The following FEZ1 variants were observed in gnomAD, a reference collection of about 807,000 sequenced individuals.
FEZ1 encodes fasciculation and elongation protein zeta 1.
Under a neutral mutation model 49.3 loss-of-function variants are expected in FEZ1, and 20 were observed. The ratio of observed to expected loss-of-function variants is 0.41; its 90% CI spans 0.29 to 0.59. The LOEUF is 0.59. Among genes scored for constraint, FEZ1 ranks in the 20% least tolerant of loss-of-function variants. The pLI is 0.36. For missense variants in FEZ1, 413 were observed against 476.0 expected (o/e 0.87, Z 1.23); for synonymous variants, 170 against 180.9 (o/e 0.94, Z 0.48).
chr11:125,482,499 T>G (rs1957291248), intron 2 of FEZ1, among the ~76,000 whole-genome samples: 1 of 152,208 alleles, frequency 6.6e-6, no homozygotes, highest in African/African-American at 2.4e-5. Context: ...ATTCCTTAAC[T>G]TATTTCAGAA....
intron 3 of FEZ1, among the ~76,000 whole-genome samples, chr11:125,469,667 G>A (rs913038581): frequency 2.0e-5 from 3 of 151,142 alleles, no homozygotes; most frequent in African/African-American, 4.9e-5. Flanking sequence ...AAGCTCAAGC[G>A]ATTCTCTAGC....
chr11:125,459,230 T>G (rs1231160616), intron 5 of FEZ1, among the ~76,000 whole-genome samples: 1 of 152,222 alleles, frequency 6.6e-6, no homozygotes, highest in Admixed American at 6.5e-5. Flanking sequence ...CTTTCTGTCT[T>G]TGCAGTCTCT....
Position 125,489,488 on chromosome 11 carries a change from T to G in FEZ1, c.290A>C (p.Glu97Ala). 6.2e-7 allele frequency: 1 copy of G among 1,613,714 alleles called. No homozygotes were observed. Among genetic ancestry groups the G allele is most frequent in the Non-Finnish European group, 8.5e-7 (1 of 1,179,864 alleles). ...TTACTCCTCGTCCTGAAGGGTCTCC[T>G]CCTCCTCTTGGATCTGTAACTGGTT... ...VKNQLQIQEE[E>A]ETLQDEEVWD... Residue 97 changes from glutamate to alanine, a missense_variant, in exon 2 of 10, where the codon GAG (glutamate) becomes GCG (alanine). Glu to Ala is a moderately radical substitution (Grantham distance 107). Transcript: ENST00000278919. The surrounding 1 kb of genome is among the most constrained non-coding windows in gnomAD (Gnocchi z 4.2).
chr11:125,456,071 G>T lies in FEZ1; in HGVS notation c.703C>A (p.Leu235Met). Residue 235 changes from leucine to methionine, a missense_variant, in exon 6 of 10, where the codon CTG (leucine) becomes ATG (methionine). By Grantham distance (15) the Leu-to-Met change is conservative (BLOSUM62 2). Coordinates refer to ENST00000278919, the MANE Select transcript of FEZ1 (RefSeq NM_005103.5). ...RHMSGSELTE[L>M]LDQVEGAIRD... ...ATGGCACCCTCCACCTGGTCCAGCA[G>T]CTCGGTCAGCTCAGACCCAGACATG... 1.2e-6 allele frequency: 2 copies of T among 1,608,822 alleles called. No individual in the cohort carries two copies. The highest frequency in any genetic ancestry group is 1.7e-6 in the Non-Finnish European group (2 of 1,178,308).
At position 125,455,764 on chromosome 11, in the gene FEZ1, T is replaced by C. The variant is rs1462549135; in HGVS notation, c.939+71A>G. On this transcript the variant is annotated intron_variant, in intron 6 of 9. Coordinates refer to ENST00000278919, the MANE Select transcript of FEZ1 (RefSeq NM_005103.5). ...AAACGTTGATGAGTCCCCTGCAGGGTTGGTAGGGCACTGAAACGGGCAGGG... is the reference window on the plus strand; with the variant it reads ...AAACGTTGATGAGTCCCCTGCAGGGCTGGTAGGGCACTGAAACGGGCAGGG... 11 of 1,496,928 alleles carry C rather than the reference T, an allele frequency of 7.3e-6. No homozygotes were observed. In the South Asian group the frequency reaches 1.0e-4, roughly 14 times the overall value. 92.7% of individuals were successfully genotyped at this position (1,496,928 alleles called of 1,614,324 possible).
At chr11:125,463,455 G>T (rs1213036446) in intron 4 of FEZ1, 29 bp downstream of exon 4, 6 of 1,344,952 alleles carry the variant, frequency 4.5e-6, no homozygotes, top group Admixed American at 3.4e-5. Context: ...AGAACAAAAG[G>T]TCCCGATAAC....
At chr11:125,494,744 G>A (rs769016352) in intron 1 of FEZ1, among the ~76,000 whole-genome samples, 1 of 152,158 alleles carries the variant, frequency 6.6e-6, no homozygotes, top group Admixed American at 6.5e-5. Flanking sequence ...AGTAGGAAAC[G>A]CATAAACGTC....
chr11:125,477,824 G>A (rs1346511006), intron 3 of FEZ1, among the ~76,000 whole-genome samples: 3 of 149,316 alleles, frequency 2.0e-5, no homozygotes, highest in Non-Finnish European at 4.4e-5. Flanking sequence ...ATGTGGCCCC[G>A]CATGGCCCCA....
intron 1 of FEZ1, among the ~76,000 whole-genome samples, chr11:125,493,380 A>G (rs1014296353): frequency 4.1e-4 from 19 of 46,296 alleles, no homozygotes; most frequent in African/African-American, 1.5e-3. Context: ...GAAAGAAAGA[A>G]AGAAAGAAAG....
At chr11:125,458,000 G>T (rs1957036111) in intron 5 of FEZ1, among the ~76,000 whole-genome samples, 1 of 151,992 alleles carries the variant, frequency 6.6e-6, no homozygotes, top group Non-Finnish European at 1.5e-5. Context: ...CAAGTCTTTT[G>T]CTGAACGCGT....
At chr11:125,457,267 A>G (rs1957019130) in intron 5 of FEZ1, among the ~76,000 whole-genome samples, 2 of 148,626 alleles carry the variant, frequency 1.3e-5, no homozygotes, top group South Asian at 4.2e-4. Context: ...TCTTTTAAAC[A>G]CTTAAAAAAA....
chr11:125,479,026 C>A (rs933318475), intron 3 of FEZ1, among the ~76,000 whole-genome samples: 3 of 152,118 alleles, frequency 2.0e-5, no homozygotes, highest in Non-Finnish European at 4.4e-5. Context: ...AAGCATCATA[C>A]CTGTAAGCAT....
In FEZ1 at chr11:125,442,999, G is replaced by A. The variant is rs1032423966; in HGVS notation, c.*3096C>T. Among the ~76,000 whole-genome samples the A allele has an allele frequency of 6.6e-6, 1 of 152,122 alleles. No homozygotes were observed. The highest frequency in any genetic ancestry group is 1.5e-5 in the Non-Finnish European group (1 of 68,012). Reference sequence around the variant, plus strand: ...GATCTGCCCACCTCGGCCTCCCAAAGTTCTGGGATTACAGGCATGAGCCAC... The same window carrying A: ...GATCTGCCCACCTCGGCCTCCCAAAATTCTGGGATTACAGGCATGAGCCAC... On this transcript the variant is annotated 3_prime_UTR_variant, in exon 10 of 10. Transcript: ENST00000278919.
chr11:125,457,498 A>ATACACATATATATG (rs1565533690), intron 5 of FEZ1, among the ~76,000 whole-genome samples: 1 of 64,226 alleles, frequency 1.6e-5, no homozygotes, highest in East Asian at 4.4e-4. Flanking sequence ...ATGTGTATAT[A>ATACACATATATATG]TGTATATATA....
intron 2 of FEZ1, among the ~76,000 whole-genome samples, chr11:125,485,047 C>T (rs1360090751): frequency 6.6e-6 from 1 of 152,174 alleles, no homozygotes; most frequent in African/African-American, 2.4e-5. Flanking sequence ...AGTTTTACTT[C>T]CCTGAGAAGC....
intron 6 of FEZ1, among the ~76,000 whole-genome samples, chr11:125,455,132 C>T (rs185313374): frequency 2.0e-5 from 3 of 151,596 alleles, no homozygotes; most frequent in Admixed American, 6.6e-5. Context: ...GGCTCATGCC[C>T]GTAATCCCAA....
rs745432120 is a variant in FEZ1 at position 125,460,510 on chromosome 11, A to G, written c.655T>C (p.Trp219Arg). 7 of 1,613,956 alleles carry G rather than the reference A, an allele frequency of 4.3e-6. No homozygotes were observed. Among genetic ancestry groups the G allele is most frequent in the Non-Finnish European group, 3.4e-6 (4 of 1,179,966 alleles). The change falls in exon 5 of 10, where the codon TGG (tryptophan) becomes CGG (arginine). Residue 219 changes from tryptophan to arginine, a missense_variant. Transcript: ENST00000278919. The part of the protein sequence containing the change: ...QALTQTFNNN[W>R]SYEGLRHMSG... ...CCAGGGCCCTCACCTTCATAGGACC[A>G]GTTGTTGTTGAAGGTCTGTGTCAAT...
chr11:125,464,505 C>T (rs778027017), intron 3 of FEZ1, among the ~76,000 whole-genome samples: 5 of 152,176 alleles, frequency 3.3e-5, no homozygotes, highest in African/African-American at 7.2e-5. Flanking sequence ...ATCCTCCTTG[C>T]GCTCCAGTAG....
rs984892275 is a variant in FEZ1 at position 125,445,133 on chromosome 11, A to T, written c.*962T>A. 1.3e-5 allele frequency among the ~76,000 whole-genome samples: 2 copies of T among 152,148 alleles called. No individual in the cohort carries two copies. Among genetic ancestry groups the T allele is most frequent in the Non-Finnish European group, 2.9e-5 (2 of 68,020 alleles). Reference sequence around the variant, plus strand: ...CAGCTGCCTGCCATCAATGCTGGAGACAGTGCGAGGAGTCAGAGCTGCTGT... The same window carrying T: ...CAGCTGCCTGCCATCAATGCTGGAGTCAGTGCGAGGAGTCAGAGCTGCTGT... On this transcript the variant is annotated 3_prime_UTR_variant, in exon 10 of 10. Transcript: ENST00000278919. The surrounding 1 kb of genome is among the most constrained non-coding windows in gnomAD (Gnocchi z 4.4).
Sources: allele counts gnomAD v4.1 joint callset (sites outside exome capture counted in the v4.1 genomes callset), GRCh38; gene constraint gnomAD v4.1.1; non-coding constraint Gnocchi (gnomAD v3.1); transcripts MANE v1.5; gene names NCBI Gene and HGNC (gene_info 2026-07-23, HGNC 2026-07-21).